CTNNA3: variants seen among roughly 807,000 people sequenced by gnomAD.
The protein encoded by CTNNA3 is catenin alpha-3.
CTNNA3 carries 76 observed loss-of-function variants against 95.7 expected under a neutral mutation model. The ratio of observed to expected loss-of-function variants is 0.79; its 90% confidence interval spans 0.66 to 0.96. The LOEUF is 0.96. Among genes scored for constraint, CTNNA3 ranks in the 40% least tolerant of loss-of-function variants. The pLI is 0.00. For synonymous variants in CTNNA3, 431 were observed against 374.4 expected, an observed-to-expected ratio of 1.15 and a Z score of -1.74; for missense variants, 1,191 against 1,089.8, an observed-to-expected ratio of 1.09 and a Z score of -1.31.
chr10:67,397,022 T>G (rs1016284327), intron 5 of CTNNA3, among the ~76,000 whole-genome samples: 1 of 152,160 alleles, frequency 6.6e-6, no homozygotes, highest in Non-Finnish European at 1.5e-5. Flanking sequence ...CTTACATATG[T>G]CTTTATTACC....
At chr10:66,645,927 C>A (rs1845692332) in intron 9 of CTNNA3, among the ~76,000 whole-genome samples, 1 of 152,168 alleles carries the variant, frequency 6.6e-6, no homozygotes, top group African/African-American at 2.4e-5. Context: ...TGTCTATGCT[C>A]TGGCAATGTC....
At chr10:65,981,279 T>C (rs1158832744) in intron 16 of CTNNA3, among the ~76,000 whole-genome samples, 2 of 151,886 alleles carry the variant, frequency 1.3e-5, no homozygotes, top group East Asian at 3.9e-4. Context: ...TACTTAGGAA[T>C]ATACCTAACC....
chr10:67,118,274 A>T (rs1859286337), intron 7 of CTNNA3, among the ~76,000 whole-genome samples: 1 of 151,894 alleles, frequency 6.6e-6, no homozygotes, highest in African/African-American at 2.4e-5. Flanking sequence ...GGTTTCCCAA[A>T]CCACATGCTA....
chr10:66,950,819 A>G lies in CTNNA3; in HGVS notation c.1048-175295T>C, dbSNP rs920029135. Among the ~76,000 whole-genome samples the G allele has an allele frequency of 4.3e-4, 66 of 152,270 alleles. 1 individual carries two copies. The highest frequency in any genetic ancestry group is 1.4e-3 in the African/African-American group (60 of 41,578). On this transcript the variant is annotated intron_variant, in intron 7 of 17. Transcript: ENST00000433211. ...GGGCCACACTGTGTGAGGGGCATAG[A>G]GAGAGATTTTAGAGGCTTCGCACAG...
At chr10:67,612,696 C>T (rs1279057585) in intron 2 of CTNNA3, among the ~76,000 whole-genome samples, 1 of 152,148 alleles carries the variant, frequency 6.6e-6, no homozygotes, top group Non-Finnish European at 1.5e-5. Flanking sequence ...TGCCCATCAA[C>T]CTGCCTCTCC....
chr10:67,722,749 T>G (rs1180844936), intron 1 of CTNNA3, among the ~76,000 whole-genome samples: 1 of 152,202 alleles, frequency 6.6e-6, no homozygotes, highest in African/African-American at 2.4e-5. Context: ...ATAGAACACC[T>G]ACAAAAGACC....
At chr10:66,054,808 A>G (rs116045397) in intron 15 of CTNNA3, among the ~76,000 whole-genome samples, 283 of 152,268 alleles carry the variant, frequency 1.9e-3, no homozygotes, top group African/African-American at 6.6e-3. Context: ...ACTCAGACCA[A>G]TGTCCTGAAG....
At chr10:66,897,063 GT>G (rs1320363724) in intron 7 of CTNNA3, among the ~76,000 whole-genome samples, 1 of 152,110 alleles carries the variant, frequency 6.6e-6, no homozygotes. Flanking sequence ...CTCAGCAAAA[GT>G]TTATTGAATG....
At chr10:66,114,809 G>A (rs2133792465) in intron 13 of CTNNA3, among the ~76,000 whole-genome samples, 1 of 151,586 alleles carries the variant, frequency 6.6e-6, no homozygotes, top group Admixed American at 6.6e-5. Context: ...AACCCAGGAG[G>A]CAGAGGTTGC....
At chr10:65,963,214 A>T (rs2133246766) in intron 17 of CTNNA3, among the ~76,000 whole-genome samples, 1 of 152,290 alleles carries the variant, frequency 6.6e-6, no homozygotes, top group East Asian at 1.9e-4. Context: ...ATCCTTTCAA[A>T]ACATTCCCAG....
intron 5 of CTNNA3, among the ~76,000 whole-genome samples, chr10:67,392,097 CT>C (rs1339375917): frequency 6.6e-6 from 1 of 152,162 alleles, no homozygotes; most frequent in Admixed American, 6.5e-5. Flanking sequence ...GCAAAACAAA[CT>C]ACCATCAGAG....
At chr10:67,306,108 G>C (rs1380955198) in intron 5 of CTNNA3, among the ~76,000 whole-genome samples, 1 of 152,046 alleles carries the variant, frequency 6.6e-6, no homozygotes, top group East Asian at 1.9e-4. Flanking sequence ...TAAAGCAGGT[G>C]CAAATTTCTC....
intron 3 of CTNNA3, among the ~76,000 whole-genome samples, chr10:67,569,624 T>C (rs1841920248): frequency 6.6e-6 from 1 of 152,164 alleles, no homozygotes; most frequent in Non-Finnish European, 1.5e-5. Context: ...ATTTCATAAA[T>C]GTGTGCAAAG....
intron 9 of CTNNA3, among the ~76,000 whole-genome samples, chr10:66,699,804 T>A (rs2394297): frequency 0.5 from 75,903 of 151,550 alleles, 19,803 homozygotes; most frequent in East Asian, 0.92. Context: ...GATTACAGGC[T>A]TGTGCCACCA....
At chr10:66,853,651 T>C (rs1271088733) in intron 7 of CTNNA3, among the ~76,000 whole-genome samples, 1 of 152,048 alleles carries the variant, frequency 6.6e-6, no homozygotes, top group East Asian at 1.9e-4. Flanking sequence ...AGTGGTGATA[T>C]CTAAAGCAAA....
intron 7 of CTNNA3, among the ~76,000 whole-genome samples, chr10:67,073,764 G>T (rs1856589918): frequency 6.6e-6 from 1 of 151,842 alleles, no homozygotes; most frequent in Non-Finnish European, 1.5e-5. Flanking sequence ...TGAAATGAAA[G>T]CTTCCAAAAT....
intron 1 of CTNNA3, among the ~76,000 whole-genome samples, chr10:67,675,088 T>G (rs938648666): frequency 1.3e-5 from 2 of 152,128 alleles, no homozygotes; most frequent in African/African-American, 4.8e-5. Flanking sequence ...AAGTTTCTTT[T>G]GACTTATTTA....
rs536304693 is a variant in CTNNA3 at position 66,114,072 on chromosome 10, C to T, written c.1885-10823G>A. Among the ~76,000 whole-genome samples, 9 of 152,124 alleles carry T rather than the reference C, an allele frequency of 5.9e-5. No homozygotes were observed. The East Asian group carries it at 7.8e-4, about 13-fold the overall frequency. ...ACCTTCAACTCTTATGTCTGAATGT[C>T]GGATCAAAAATCAGAACACCGGTGC... is the stretch of plus-strand genomic sequence containing the variant. On this transcript the variant is annotated intron_variant, in intron 13 of 17. Coordinates refer to ENST00000433211, the MANE Select transcript of CTNNA3 (RefSeq NM_013266.4).
At position 67,180,466 on chromosome 10, in the gene CTNNA3, G is replaced by A. The variant is rs1862478317; in HGVS notation, c.898C>T (p.Leu300=). The A allele has an allele frequency of 1.1e-5, 18 of 1,613,802 alleles. No homozygotes were observed. The highest frequency in any genetic ancestry group is 2.7e-5 in the African/African-American group (2 of 74,904). Reference sequence around the variant, plus strand: ...ATAATGGCTTCAAGGCGTTTCTCTAGTGATGGTCGTATTTCCTCCTCAGTT... The same window carrying A: ...ATAATGGCTTCAAGGCGTTTCTCTAATGATGGTCGTATTTCCTCCTCAGTT... The part of the protein sequence containing the change: ...TVTEEEIRPS[L]EKRLEAIISG... Residue 300 remains leucine (L), a synonymous_variant, in exon 7 of 18, where the codon CTA becomes TTA. Coordinates refer to ENST00000433211, the MANE Select transcript of CTNNA3 (RefSeq NM_013266.4).
Sources: gnomAD v4.1 joint callset for allele counts (sites outside exome capture counted in the v4.1 genomes callset) on GRCh38, gnomAD v4.1.1 for gene constraint, MANE v1.5 for transcripts, NCBI Gene and HGNC (gene_info 2026-07-23, HGNC 2026-07-21) for gene names.